PARD3B: variants seen among roughly 807,000 people sequenced by gnomAD.
PARD3B encodes the protein partitioning defective 3 homolog B.
Under a neutral mutation model 130.2 loss-of-function variants are expected in PARD3B, and 103 were observed. That is an observed-to-expected ratio of 0.79 (90% CI 0.67 to 0.93). PARD3B has a LOEUF of 0.93. Among genes scored for constraint, PARD3B ranks in the 40% least tolerant of loss-of-function variants. The pLI is 0.00. For synonymous variants in PARD3B, 583 were observed against 553.2 expected (o/e 1.05, Z -0.76); for missense variants, 1,609 against 1,499.2 (o/e 1.07, Z -1.21).
chr2:204,652,201 A>G (rs1574622647), intron 1 of PARD3B, among the ~76,000 whole-genome samples: 1 of 151,888 alleles, frequency 6.6e-6, no homozygotes, highest in South Asian at 2.1e-4. Context: ...CTTTTCTCCC[A>G]CATGGCCAGG....
chr2:205,113,393 G>GT (rs1559450786), intron 5 of PARD3B, 98 bp from the exon 6 acceptor site: 1 of 571,422 alleles, frequency 1.8e-6, no homozygotes, highest in Non-Finnish European at 3.0e-6. Context: ...CCTGAGCAGG[G>GT]GTGTGTGTGT....
intron 2 of PARD3B, among the ~76,000 whole-genome samples, chr2:204,695,127 A>C (rs2037548271): frequency 1.3e-5 from 2 of 152,036 alleles, no homozygotes. Context: ...GAACACTTTC[A>C]TCTTTACAGT....
chr2:205,054,071 A>G (rs1429032874), intron 4 of PARD3B, among the ~76,000 whole-genome samples: 1 of 152,018 alleles, frequency 6.6e-6, no homozygotes, highest in Non-Finnish European at 1.5e-5. Context: ...TCATGGGGCC[A>G]AATGTTTACT....
chr2:205,225,557 A>T (rs1419566461), intron 15 of PARD3B, among the ~76,000 whole-genome samples: 1 of 152,204 alleles, frequency 6.6e-6, no homozygotes, highest in African/African-American at 2.4e-5. Context: ...GTTTTAAAGA[A>T]CTACCTGAGA....
chr2:204,992,602 C>T (rs1575500900), intron 3 of PARD3B, among the ~76,000 whole-genome samples: 1 of 101,430 alleles, frequency 9.9e-6, no homozygotes, highest in African/African-American at 3.7e-5. Context: ...TAGTTTTTTC[C>T]AATTCTGTGA....
At chr2:205,451,783 C>G (rs2048113311) in intron 20 of PARD3B, among the ~76,000 whole-genome samples, 1 of 151,746 alleles carries the variant, frequency 6.6e-6, no homozygotes, top group Admixed American at 6.6e-5. Flanking sequence ...AAAATGGGAT[C>G]TCCATCCCTT....
At chr2:205,488,444 C>T (rs1014237867) in intron 20 of PARD3B, among the ~76,000 whole-genome samples, 10 of 152,068 alleles carry the variant, frequency 6.6e-5, no homozygotes, top group Admixed American at 3.3e-4. Flanking sequence ...GTAAGCTCAC[C>T]GGTTTCTAAT....
intron 2 of PARD3B, among the ~76,000 whole-genome samples, chr2:204,868,646 CT>C (rs770853569): frequency 4.6e-5 from 7 of 152,158 alleles, no homozygotes; most frequent in African/African-American, 7.2e-5. Flanking sequence ...ATGGGAGGAA[CT>C]CTACTTTTAG....
chr2:204,996,653 G>A (rs1694212346), intron 3 of PARD3B, among the ~76,000 whole-genome samples: 1 of 149,974 alleles, frequency 6.7e-6, no homozygotes, highest in South Asian at 2.2e-4. Context: ...AGCAAGCCTG[G>A]GCAATGGCGG....
At chr2:204,717,947 C>T (rs2038811235) in intron 2 of PARD3B, among the ~76,000 whole-genome samples, 1 of 152,190 alleles carries the variant, frequency 6.6e-6, no homozygotes, top group South Asian at 2.1e-4. Flanking sequence ...TCTGCTGAAT[C>T]ACCTCAGACC....
chr2:204,553,666 A>C (rs60691840), intron 1 of PARD3B, among the ~76,000 whole-genome samples: 2 of 19,538 alleles, frequency 1.0e-4, no homozygotes, highest in Non-Finnish European at 4.3e-4. Context: ...ATATATATAT[A>C]TATATATATA....
chr2:205,283,891 T>C (rs73982852), intron 16 of PARD3B, among the ~76,000 whole-genome samples: 3,238 of 152,196 alleles, frequency 0.021, 101 homozygotes, highest in African/African-American at 0.074. Flanking sequence ...GCTGGTGAAT[T>C]TGATGATCTT....
chr2:204,663,222 C>G (rs2035893233), intron 1 of PARD3B, among the ~76,000 whole-genome samples: 1 of 152,178 alleles, frequency 6.6e-6, no homozygotes. Flanking sequence ...CTGTCTTGCC[C>G]ATTGCTGCCC....
At chr2:204,942,635 A>G (rs932802251) in intron 2 of PARD3B, among the ~76,000 whole-genome samples, 4 of 152,244 alleles carry the variant, frequency 2.6e-5, no homozygotes, top group East Asian at 1.9e-4. Flanking sequence ...AAAAAAAAAA[A>G]GACAAGTAGT....
chr2:205,170,572 C>T (rs867547088), intron 11 of PARD3B, among the ~76,000 whole-genome samples: 14 of 152,142 alleles, frequency 9.2e-5, no homozygotes, highest in African/African-American at 1.7e-4. Flanking sequence ...CAGCAGGCGG[C>T]GTGGGCAGTG....
chr2:204,864,211 C>T (rs75518369), intron 2 of PARD3B, among the ~76,000 whole-genome samples: 1 of 152,116 alleles, frequency 6.6e-6, no homozygotes, highest in Non-Finnish European at 1.5e-5. Context: ...TGCCCTGCCC[C>T]GTGCCAGATT....
chr2:204,910,428 T>C (rs2047190487), intron 2 of PARD3B, among the ~76,000 whole-genome samples: 1 of 152,122 alleles, frequency 6.6e-6, no homozygotes, highest in East Asian at 1.9e-4. Flanking sequence ...ATAACCAAGG[T>C]AAAAGATATA....
intron 2 of PARD3B, among the ~76,000 whole-genome samples, chr2:204,914,213 T>C (rs2125732591): frequency 6.6e-6 from 1 of 152,264 alleles, no homozygotes; most frequent in Non-Finnish European, 1.5e-5. Flanking sequence ...AACAAGAACC[T>C]CTCTTGCTTT....
At chr2:204,596,880 T>G (rs1188917904) in intron 1 of PARD3B, among the ~76,000 whole-genome samples, 3 of 151,916 alleles carry the variant, frequency 2.0e-5, no homozygotes, top group Non-Finnish European at 4.4e-5. Flanking sequence ...ATGGCACCAT[T>G]GCACTCCAGC....
Sources: gnomAD v4.1 joint callset for allele counts (sites outside exome capture counted in the v4.1 genomes callset) on GRCh38, gnomAD v4.1.1 for gene constraint, MANE v1.5 for transcripts, NCBI Gene and HGNC (gene_info 2026-07-23, HGNC 2026-07-21) for gene names.